The following RBM20 variants were observed in gnomAD, a reference collection of about 807,000 sequenced individuals.
The protein encoded by RBM20 is RNA binding motif protein 20.
Under a neutral mutation model 110.1 loss-of-function variants are expected in RBM20, and 51 were observed. That is an observed-to-expected ratio of 0.46 (90% CI 0.37 to 0.59). The LOEUF is 0.59. Among genes scored for constraint, RBM20 ranks in the 20% least tolerant of loss-of-function variants. The probability of loss-of-function intolerance (pLI) is 0.00; values close to 1 mark genes in which losing one functional copy is unlikely to be tolerated. For synonymous variants in RBM20, 589 were observed against 618.2 expected, an observed-to-expected ratio of 0.95 and a Z score of 0.70; for missense variants, 1,512 against 1,574.9, an observed-to-expected ratio of 0.96 and a Z score of 0.68.
intron 1 of RBM20, among the ~76,000 whole-genome samples, chr10:110,762,019 CA>C (rs1326735331): frequency 6.6e-6 from 1 of 152,168 alleles, no homozygotes; most frequent in East Asian, 1.9e-4. Context: ...CCAGACTGAC[CA>C]ACATGGTGAA....
At chr10:110,668,032 C>T (rs1862204713) in intron 1 of RBM20, among the ~76,000 whole-genome samples, 1 of 152,198 alleles carries the variant, frequency 6.6e-6, no homozygotes, top group Non-Finnish European at 1.5e-5. Flanking sequence ...GATCACTGCG[C>T]TCAGGAAAAT....
At chr10:110,657,583 T>A (rs960782095) in intron 1 of RBM20, among the ~76,000 whole-genome samples, 1 of 152,216 alleles carries the variant, frequency 6.6e-6, no homozygotes, top group African/African-American at 2.4e-5. Context: ...TTTGCAAATA[T>A]GTTCTCCTAT....
intron 1 of RBM20, among the ~76,000 whole-genome samples, chr10:110,658,295 G>A (rs965591646): frequency 3.3e-5 from 5 of 152,184 alleles, no homozygotes; most frequent in African/African-American, 1.2e-4. Context: ...GTAATTTGAC[G>A]TCTCCTAGCC....
intron 7 of RBM20, among the ~76,000 whole-genome samples, chr10:110,802,267 T>G (rs1384691893): frequency 6.6e-6 from 1 of 152,156 alleles, no homozygotes; most frequent in East Asian, 1.9e-4. Context: ...TTCTGACAAG[T>G]CTCCATATGT....
intron 7 of RBM20, 140 bp downstream of exon 7, chr10:110,800,058 C>T (rs748754159): frequency 5.3e-5 from 43 of 808,862 alleles, no homozygotes; most frequent in South Asian, 3.6e-4. Flanking sequence ...TTGAGGATCT[C>T]GAGGCAAACC....
chr10:110,666,946 A>G (rs1421599769), intron 1 of RBM20, among the ~76,000 whole-genome samples: 1 of 152,176 alleles, frequency 6.6e-6, no homozygotes, highest in Non-Finnish European at 1.5e-5. Context: ...AGGGAAGAAA[A>G]TGGAAATAGA....
chr10:110,780,696 G>A (rs1590673643), intron 1 of RBM20, 105 bp from the exon 2 acceptor site: 21 of 1,298,870 alleles, frequency 1.6e-5, no homozygotes, highest in East Asian at 5.1e-5. Context: ...ACCAGTGTGG[G>A]AAGGTCTTGT....
chr10:110,648,092 T>C (rs1861894721), intron 1 of RBM20, among the ~76,000 whole-genome samples: 1 of 152,234 alleles, frequency 6.6e-6, no homozygotes, highest in South Asian at 2.1e-4. Flanking sequence ...CTTTTTTCTG[T>C]ATTATTTTTT....
At chr10:110,768,545 C>T (rs1844141217) in intron 1 of RBM20, among the ~76,000 whole-genome samples, 1 of 152,186 alleles carries the variant, frequency 6.6e-6, no homozygotes, top group Non-Finnish European at 1.5e-5. Context: ...AAAACACACA[C>T]GGAAACATAT....
At chr10:110,827,484 G>A (rs1303373079) in intron 12 of RBM20, among the ~76,000 whole-genome samples, 27 of 152,178 alleles carry the variant, frequency 1.8e-4, no homozygotes, top group Admixed American at 1.8e-3. Flanking sequence ...GCAACACAGT[G>A]TAGGAAAGGC....
At chr10:110,710,742 G>A (rs538364632) in intron 1 of RBM20, among the ~76,000 whole-genome samples, 22 of 152,306 alleles carry the variant, frequency 1.4e-4, no homozygotes, top group African/African-American at 3.8e-4. Context: ...AGACACGTGC[G>A]TCATCAGGAA....
intron 13 of RBM20, 49 bp from the exon 14 acceptor site, chr10:110,835,819 G>A (rs1845118643): frequency 6.5e-7 from 1 of 1,535,096 alleles, no homozygotes; most frequent in Admixed American, 2.0e-5. Flanking sequence ...TCTCCATCTA[G>A]GTCCCTACTA....
chr10:110,813,896 G>A (rs1457386229), intron 9 of RBM20, among the ~76,000 whole-genome samples: 1 of 150,714 alleles, frequency 6.6e-6, no homozygotes, highest in Non-Finnish European at 1.5e-5. Context: ...GCATCTGAAA[G>A]GTCTGAGGGC....
chr10:110,729,541 G>C (rs947141), intron 1 of RBM20, among the ~76,000 whole-genome samples: 98,108 of 152,152 alleles, frequency 0.64, 31,914 homozygotes, highest in East Asian at 0.79. Context: ...GCTATGAGCC[G>C]CAGGAGGGCA....
intron 12 of RBM20, among the ~76,000 whole-genome samples, chr10:110,825,464 G>A (rs187339821): frequency 2.0e-5 from 3 of 152,230 alleles, no homozygotes; most frequent in East Asian, 3.9e-4. Flanking sequence ...AATATTAAAG[G>A]TCTGATTGAT....
intron 1 of RBM20, among the ~76,000 whole-genome samples, chr10:110,685,074 C>T (rs908134014): frequency 4.6e-5 from 7 of 152,158 alleles, no homozygotes; most frequent in African/African-American, 1.7e-4. Flanking sequence ...TAAAACGAGG[C>T]GAATGACCCA....
rs537737240 is a variant in RBM20, at chr10:110,739,987, C to T, written c.192-40814C>T. Among the ~76,000 whole-genome samples the T allele has an allele frequency of 1.5e-4, 23 of 152,344 alleles. No homozygotes were observed. In the South Asian group the frequency reaches 4.8e-3, roughly 32 times the overall value. ...TCCCTCCTTCTCCAAGTGCCCAGAC[C>T]TGCTCCAGCTGCCCCTGATACTCAG... On this transcript the variant is annotated intron_variant, in intron 1 of 13. Transcript: ENST00000369519. This position sits in a 1 kb window ranked among gnomAD's most constrained non-coding sequence, Gnocchi z 4.1.
intron 1 of RBM20, among the ~76,000 whole-genome samples, chr10:110,705,090 G>C (rs1055506724): frequency 5.3e-5 from 8 of 152,168 alleles, no homozygotes; most frequent in Admixed American, 3.3e-4. Context: ...CAAAAAGTTC[G>C]ATTGTTGGCC....
At position 110,764,831 on chromosome 10, in the gene RBM20, G is replaced by C. The variant is rs188101363; in HGVS notation, c.192-15970G>C. On this transcript the variant is annotated intron_variant, in intron 1 of 13. Transcript: ENST00000369519. ...CCCTGGTATGTTTCAGAAAGGTAAG[G>C]TTGCATGACATCATCCTACCTTTCC... 2.6e-5 allele frequency among the ~76,000 whole-genome samples: 4 copies of C among 152,326 alleles called. No homozygotes were observed. In the South Asian group the frequency reaches 8.3e-4, roughly 32 times the overall value.
Sources: gnomAD v4.1 joint callset for allele counts (sites outside exome capture counted in the v4.1 genomes callset) on GRCh38, gnomAD v4.1.1 for gene constraint, Gnocchi (gnomAD v3.1) non-coding constraint, MANE v1.5 for transcripts, NCBI Gene and HGNC (gene_info 2026-07-23, HGNC 2026-07-21) for gene names.